The following ASF1B variants were observed in gnomAD, a reference collection of about 807,000 sequenced individuals.
ASF1B encodes anti-silencing function 1B histone chaperone.
ASF1B carries 10 observed loss-of-function variants against 16.6 expected under a neutral mutation model. That is an observed-to-expected ratio of 0.60 (90% CI 0.37 to 1.02). ASF1B has a LOEUF of 1.02. ASF1B is among the 50% of genes least tolerant of loss of function. The probability of loss-of-function intolerance (pLI) is 0.01; values close to 1 mark genes in which losing one functional copy is unlikely to be tolerated. For synonymous variants in ASF1B, 101 were observed against 106.2 expected (o/e 0.95, Z 0.30); for missense variants, 240 against 266.0 (o/e 0.90, Z 0.68).
chr19:14,135,237 AAAAAG>A (rs1457601142), intron 1 of ASF1B, among the ~76,000 whole-genome samples: 1 of 151,640 alleles, frequency 6.6e-6, no homozygotes, highest in Non-Finnish European at 1.5e-5. Context: ...AAAAAAAAAA[AAAAAG>A]AAGAGGAAGA....
chr19:14,128,248 TTCCTTGG>T (rs1295995153), intron 1 of ASF1B, among the ~76,000 whole-genome samples: 1 of 152,204 alleles, frequency 6.6e-6, no homozygotes, highest in African/African-American at 2.4e-5. Flanking sequence ...AGCTGCCCTG[TTCCTTGG>T]TCCAGTGTCC....
Position 14,121,845 on chromosome 19 carries a change from G to A in ASF1B, c.226-137C>T, listed in dbSNP as rs192718031. ...CCTCAGTTTTCTTTTTTTTACTTCTGCCTCTCGGGTTCAAACAATTCTGCC... is the reference window on the plus strand; with the variant it reads ...CCTCAGTTTTCTTTTTTTTACTTCTACCTCTCGGGTTCAAACAATTCTGCC... On this transcript the variant is annotated intron_variant, in intron 2 of 3. Transcript: ENST00000263382. 14 of 777,412 alleles carry A rather than the reference G, an allele frequency of 1.8e-5. No homozygotes were observed. The African/African-American group carries it at 2.3e-4, about 13-fold the overall frequency. The allele number at this position is 777,412 out of a possible 1,614,324, so 48.2% of individuals were successfully genotyped here.
rs138874302 is a variant in ASF1B at position 14,120,043 on chromosome 19, C to T, written c.*416G>A. On this transcript the variant is annotated 3_prime_UTR_variant, in exon 4 of 4. Coordinates refer to ENST00000263382, the MANE Select transcript of ASF1B (RefSeq NM_018154.3). ...GCTGGAGTGGGTCTGCTCAGATGTA[C>T]AGGAAGAGAAAGGAATGACAAAGCC... 138 of 178,662 alleles carry T rather than the reference C, an allele frequency of 7.7e-4. No homozygotes were observed. Among genetic ancestry groups the T allele is most frequent in the African/African-American group, 3.2e-3 (135 of 41,796 alleles). 11.1% of individuals were successfully genotyped at this position (178,662 alleles called of 1,614,324 possible).
chr19:14,131,475 C>T (rs1485876889), intron 1 of ASF1B, among the ~76,000 whole-genome samples: 1 of 150,808 alleles, frequency 6.6e-6, no homozygotes, highest in African/African-American at 2.4e-5. Flanking sequence ...GCCACCACAC[C>T]TGGCTTTTTC....
At chr19:14,130,865 G>A (rs955595187) in intron 1 of ASF1B, among the ~76,000 whole-genome samples, 4 of 151,306 alleles carry the variant, frequency 2.6e-5, no homozygotes, top group Non-Finnish European at 4.4e-5. Flanking sequence ...TAGCTAAAAA[G>A]TCTGCTTCCT....
At chr19:14,132,805 G>A (rs1210138040) in intron 1 of ASF1B, among the ~76,000 whole-genome samples, 13 of 152,026 alleles carry the variant, frequency 8.6e-5, no homozygotes, top group Admixed American at 8.5e-4. Flanking sequence ...GTGACATAGT[G>A]AGATTCCATT....
rs1439504736 is a variant in ASF1B at position 14,119,531 on chromosome 19, A to G, written c.*928T>C. On this transcript the variant is annotated 3_prime_UTR_variant, in exon 4 of 4. Transcript: ENST00000263382. Reference sequence around the variant, plus strand: ...CAATCATTCTAAATGAAGTGCTTTTAATTTTCAGACCAAACATTTTTAATA... The same window carrying G: ...CAATCATTCTAAATGAAGTGCTTTTGATTTTCAGACCAAACATTTTTAATA... 6.5e-6 allele frequency: 1 copy of G among 152,686 alleles called. No individual in the cohort carries two copies. Among genetic ancestry groups the G allele is most frequent in the Non-Finnish European group, 1.5e-5 (1 of 68,046 alleles). 9.5% of individuals were successfully genotyped at this position (152,686 alleles called of 1,614,324 possible).
intron 2 of ASF1B, among the ~76,000 whole-genome samples, chr19:14,123,436 G>A (rs955290175): frequency 1.4e-5 from 2 of 142,652 alleles, no homozygotes; most frequent in African/African-American, 5.3e-5. Context: ...CTGGAGTGCA[G>A]TGGCGTGATC....
chr19:14,134,243 C>T (rs1231027147), intron 1 of ASF1B, among the ~76,000 whole-genome samples: 2 of 152,124 alleles, frequency 1.3e-5, no homozygotes, highest in Non-Finnish European at 2.9e-5. Flanking sequence ...TCCACAGCGT[C>T]ATTCTACACT....
intron 3 of ASF1B, among the ~76,000 whole-genome samples, chr19:14,121,127 CT>C (rs200174297): frequency 0.03 from 4,371 of 144,998 alleles, 191 homozygotes; most frequent in African/African-American, 0.097. Flanking sequence ...TGGCCCAGGA[CT>C]TTTTTTTTTT....
intron 1 of ASF1B, 91 bp from the exon 2 acceptor site, chr19:14,126,328 G>A (rs1967317836): frequency 2.5e-6 from 2 of 810,602 alleles, no homozygotes; most frequent in Non-Finnish European, 4.0e-6. Flanking sequence ...TTTTTGAGAT[G>A]GAGTCTCGTT....
Position 14,121,511 on chromosome 19 carries a change from G to C in ASF1B, c.402+21C>G, listed in dbSNP as rs1260487923. Reference sequence around the variant, plus strand: ...ATAAAGAACGGCCTTGTGGGAAGCAGGAAGTGGAAACAGGCCCCACCTGGG... The same window carrying C: ...ATAAAGAACGGCCTTGTGGGAAGCACGAAGTGGAAACAGGCCCCACCTGGG... On this transcript the variant is annotated intron_variant, in intron 3 of 3. Coordinates refer to ENST00000263382, the MANE Select transcript of ASF1B (RefSeq NM_018154.3). 5.6e-6 allele frequency: 9 copies of C among 1,608,922 alleles called. No homozygotes were observed. In the African/African-American group the frequency reaches 1.2e-4, roughly 21 times the overall value.
chr19:14,125,445 A>C (rs1359606118), intron 2 of ASF1B, among the ~76,000 whole-genome samples: 2 of 152,240 alleles, frequency 1.3e-5, no homozygotes, highest in Non-Finnish European at 2.9e-5. Flanking sequence ...ATTGCCTGTA[A>C]ATCAGTGGCA....
chr19:14,135,890 G>A (rs1967487342), intron 1 of ASF1B, among the ~76,000 whole-genome samples: 1 of 152,024 alleles, frequency 6.6e-6, no homozygotes, highest in South Asian at 2.1e-4. Flanking sequence ...CTTGCCACAG[G>A]GAAACCACGG....
chr19:14,127,646 CTTTT>C lies in ASF1B; in HGVS notation c.110-1413_110-1410del, dbSNP rs71170596. The stretch of plus-strand genomic sequence containing the variant: ...GCATCCCGGGGTGATCCTCCAAACA[CTTTT>C]TTTTTTTGACAGTTTCACTCTTGTT... On this transcript the variant is annotated intron_variant, in intron 1 of 3. Transcript: ENST00000263382. 7.4e-5 allele frequency among the ~76,000 whole-genome samples: 11 copies of C among 148,594 alleles called. No individual in the cohort carries two copies. The South Asian group carries it at 1.9e-3, about 26-fold the overall frequency.
At chr19:14,125,894 G>C (rs905937639) in intron 2 of ASF1B, among the ~76,000 whole-genome samples, 1 of 151,084 alleles carries the variant, frequency 6.6e-6, no homozygotes, top group African/African-American at 2.4e-5. Flanking sequence ...TTAGAGACAG[G>C]GTCTCACTGT....
chr19:14,126,080 C>G (rs1478151614), intron 2 of ASF1B, 42 bp downstream of exon 2: 2 of 1,436,778 alleles, frequency 1.4e-6, no homozygotes, highest in Non-Finnish European at 1.9e-6. Flanking sequence ...GAGGATGTTT[C>G]TAGGAATCAA....
intron 2 of ASF1B, among the ~76,000 whole-genome samples, 156 bp from the exon 3 acceptor site, chr19:14,121,864 T>G (rs924134536): frequency 5.9e-5 from 9 of 152,068 alleles, no homozygotes; most frequent in African/African-American, 1.7e-4. Flanking sequence ...GTTCAAACAA[T>G]TCTGCCTCAG....
intron 1 of ASF1B, among the ~76,000 whole-genome samples, chr19:14,128,974 G>A (rs1967358004): frequency 6.6e-6 from 1 of 152,186 alleles, no homozygotes; most frequent in Non-Finnish European, 1.5e-5. Context: ...GTGTACCCAC[G>A]AGCACCTGAT....
Sources: gnomAD v4.1 joint callset for allele counts (sites outside exome capture counted in the v4.1 genomes callset) on GRCh38, gnomAD v4.1.1 for gene constraint, MANE v1.5 for transcripts, NCBI Gene and HGNC (gene_info 2026-07-23, HGNC 2026-07-21) for gene names.